Variants in ITFG1 observed in about 807,000 individuals in gnomAD.
ITFG1 encodes the protein T-cell immunomodulatory protein.
A neutral mutation model predicts 81.8 loss-of-function variants in ITFG1; 34 were observed. The observed-to-expected ratio is 0.42, with a 90% CI of 0.32 to 0.55. The LOEUF (loss-of-function observed/expected upper bound fraction) is 0.55. ITFG1 is among the 20% of genes least tolerant of loss of function. ITFG1 has a pLI of 0.17. For missense variants in ITFG1, 672 were observed against 755.4 expected (o/e 0.89, Z 1.29); for synonymous variants, 285 against 270.6 (o/e 1.05, Z -0.52).
intron 14 of ITFG1, among the ~76,000 whole-genome samples, chr16:47,206,163 G>A (rs1965497707): frequency 6.6e-6 from 1 of 152,004 alleles, no homozygotes; most frequent in Non-Finnish European, 1.5e-5. Flanking sequence ...ACCACGCCTG[G>A]CCAGGCATTA....
At chr16:47,299,712 C>A (rs16955095) in intron 10 of ITFG1, 10,565 of 152,308 alleles carry the variant, frequency 0.069, 604 homozygotes, top group African/African-American at 0.15. Context: ...TAGCGGGATA[C>A]CATCCTACGG....
chr16:47,433,040 T>C (rs963495081), intron 5 of ITFG1, among the ~76,000 whole-genome samples: 1 of 152,230 alleles, frequency 6.6e-6, no homozygotes, highest in Non-Finnish European at 1.5e-5. Context: ...GCTCTGTCTC[T>C]AACCTGAGCA....
intron 14 of ITFG1, among the ~76,000 whole-genome samples, chr16:47,214,902 T>A (rs1328928794): frequency 6.6e-6 from 1 of 150,718 alleles, no homozygotes; most frequent in Non-Finnish European, 1.5e-5. Flanking sequence ...CTACATCCTA[T>A]GTTATTACCC....
chr16:47,261,952 T>C (rs2151542759), intron 10 of ITFG1, among the ~76,000 whole-genome samples: 1 of 152,374 alleles, frequency 6.6e-6, no homozygotes, highest in South Asian at 2.1e-4. Flanking sequence ...GGATAATAGG[T>C]GTGAGACACC....
intron 14 of ITFG1, among the ~76,000 whole-genome samples, chr16:47,207,147 A>T (rs1422064363): frequency 6.6e-6 from 1 of 152,080 alleles, no homozygotes; most frequent in East Asian, 1.9e-4. Context: ...CAGTGGCGCC[A>T]TCTCGGCTCA....
chr16:47,187,463 C>G (rs1227866036), intron 14 of ITFG1, among the ~76,000 whole-genome samples: 13 of 151,404 alleles, frequency 8.6e-5, no homozygotes, highest in South Asian at 2.1e-4. Context: ...TGCCGCATAT[C>G]TACAACTATC....
chr16:47,410,433 T>C (rs1968795557), intron 6 of ITFG1, among the ~76,000 whole-genome samples: 1 of 149,702 alleles, frequency 6.7e-6, no homozygotes, highest in Non-Finnish European at 1.5e-5. Context: ...AGATATAGAG[T>C]GATTCAGCAC....
chr16:47,218,195 T>TC (rs1235469416), intron 14 of ITFG1: 1 of 152,176 alleles, frequency 6.6e-6, no homozygotes, highest in Non-Finnish European at 1.5e-5. Context: ...TGCTTATACT[T>TC]CTTCATGGTT....
intron 8 of ITFG1, among the ~76,000 whole-genome samples, chr16:47,316,380 A>G (rs1489544008): frequency 1.3e-5 from 2 of 152,146 alleles, no homozygotes; most frequent in Non-Finnish European, 2.9e-5. Flanking sequence ...CCCTCTTTGA[A>G]ACAAATTTTT....
intron 6 of ITFG1, among the ~76,000 whole-genome samples, chr16:47,386,237 A>G (rs1968460290): frequency 6.6e-6 from 1 of 152,218 alleles, no homozygotes; most frequent in Non-Finnish European, 1.5e-5. Flanking sequence ...CAAACGAAGA[A>G]ACATTTATTC....
intron 8 of ITFG1, among the ~76,000 whole-genome samples, chr16:47,321,935 T>C (rs1035669904): frequency 2.0e-5 from 3 of 152,198 alleles, no homozygotes; most frequent in African/African-American, 4.8e-5. Flanking sequence ...AAAAAGATAG[T>C]ATCATCTACA....
intron 10 of ITFG1, among the ~76,000 whole-genome samples, chr16:47,265,115 T>C (rs776711806): frequency 4.6e-5 from 7 of 151,898 alleles, no homozygotes; most frequent in Non-Finnish European, 1.0e-4. Flanking sequence ...ATTATTATTA[T>C]TATTATTATT....
intron 8 of ITFG1, among the ~76,000 whole-genome samples, chr16:47,361,978 G>C (rs1968115048): frequency 6.6e-6 from 1 of 152,102 alleles, no homozygotes; most frequent in Admixed American, 6.6e-5. Flanking sequence ...TCTGCTAAAT[G>C]TGATGGCTTT....
chr16:47,304,993 C>G (rs1258846932), intron 10 of ITFG1, among the ~76,000 whole-genome samples: 3 of 152,136 alleles, frequency 2.0e-5, no homozygotes, highest in Admixed American at 2.0e-4. Context: ...GATTCAACAG[C>G]TAAAAAGCTT....
chr16:47,260,686 C>T lies in ITFG1; in HGVS notation c.1080G>A (p.Gln360=). ...ILKNTSGSNQ[Q]AFLLENVPCN... ...AAGGGACGTTCTCCAGTAAAAAGGC[C>T]TGCTGGTTGCTGTGCGCCAAAGGAA... The change falls in exon 11 of 18, where the codon CAG becomes CAA. Residue 360 remains glutamine, a synonymous_variant. Coordinates refer to ENST00000320640, the MANE Select transcript of ITFG1 (RefSeq NM_030790.5). 1 of 1,614,154 alleles carries T rather than the reference C, an allele frequency of 6.2e-7. No homozygotes were observed.
chr16:47,158,797 T>C, intron 17 of ITFG1, 76 bp downstream of exon 17: 4 of 655,644 alleles, frequency 6.1e-6, no homozygotes, highest in East Asian at 2.9e-5. Context: ...AAAATAAATA[T>C]AGTGTTTTTA....
chr16:47,443,790 C>G (rs1969287441), intron 5 of ITFG1, among the ~76,000 whole-genome samples: 1 of 152,064 alleles, frequency 6.6e-6, no homozygotes, highest in South Asian at 2.1e-4. Context: ...GGAGATATAC[C>G]TAATCTAAAT....
intron 13 of ITFG1, among the ~76,000 whole-genome samples, chr16:47,230,569 T>C (rs1394062811): frequency 2.6e-5 from 4 of 152,002 alleles, no homozygotes; most frequent in African/African-American, 7.2e-5. Flanking sequence ...AGCAGACAAG[T>C]GGAGGCCAGA....
intron 5 of ITFG1, among the ~76,000 whole-genome samples, chr16:47,435,951 G>A (rs1969160687): frequency 6.6e-6 from 1 of 151,912 alleles, no homozygotes; most frequent in African/African-American, 2.4e-5. Context: ...AATGCATACA[G>A]TGGAATATAA....
Sources: allele counts gnomAD v4.1 joint callset (sites outside exome capture counted in the v4.1 genomes callset), GRCh38; gene constraint gnomAD v4.1.1; transcripts MANE v1.5; gene names NCBI Gene and HGNC (gene_info 2026-07-23, HGNC 2026-07-21).